The following MIER3 variants were observed in gnomAD, a reference collection of about 807,000 sequenced individuals.
MIER3 encodes the protein MIER family member 3, also known as mesoderm induction early response protein 3.
MIER3 carries 9 observed loss-of-function variants against 63.2 expected under a neutral mutation model. That is an observed-to-expected ratio of 0.14 (90% CI 0.09 to 0.25). The LOEUF is 0.25. Among genes scored for constraint, MIER3 ranks in the 10% least tolerant of loss-of-function variants. The probability of loss-of-function intolerance (pLI) is 1.00; values close to 1 mark genes in which losing one functional copy is unlikely to be tolerated. For missense variants in MIER3, 512 were observed against 666.2 expected, an observed-to-expected ratio of 0.77 and a Z score of 2.55; for synonymous variants, 205 against 224.9, an observed-to-expected ratio of 0.91 and a Z score of 0.79.
rs774889097 is a variant in MIER3 at position 56,923,078 on chromosome 5, C to T, written c.*50G>A. On this transcript the variant is annotated 3_prime_UTR_variant, in exon 13 of 13. Transcript: ENST00000381199. The stretch of plus-strand genomic sequence containing the variant: ...AAAGACTATGCAAACCTGATAGCTC[C>T]CCTCAAGTTTACTGGTGCTGCACAC... The T allele has an allele frequency of 2.6e-6, 4 of 1,519,160 alleles. No homozygotes were observed. The highest frequency in any genetic ancestry group is 1.4e-5 in the African/African-American group (1 of 72,636). The allele number at this position is 1,519,160 out of a possible 1,614,324, so 94.1% of individuals were successfully genotyped here.
chr5:56,951,530 C>T (rs1179250322), intron 1 of MIER3, among the ~76,000 whole-genome samples: 1 of 152,188 alleles, frequency 6.6e-6, no homozygotes, highest in Non-Finnish European at 1.5e-5. Flanking sequence ...GAGTCCCGCT[C>T]TTCTGAGAAG....
At chr5:56,950,723 C>T in intron 1 of MIER3, 71 bp from the exon 2 acceptor site, 2 of 1,569,088 alleles carry the variant, frequency 1.3e-6, no homozygotes, top group Non-Finnish European at 1.7e-6. Flanking sequence ...GGCAACAGGG[C>T]GCAGAGGAGG....
chr5:56,946,553 C>G (rs1454479850), intron 3 of MIER3, among the ~76,000 whole-genome samples: 1 of 152,130 alleles, frequency 6.6e-6, no homozygotes, highest in Non-Finnish European at 1.5e-5. Context: ...AGGCTTCTCT[C>G]TGTATCTACT....
chr5:56,928,969 T>TCA (rs997292990), intron 9 of MIER3, 108 bp from the exon 10 acceptor site: 23 of 554,570 alleles, frequency 4.1e-5, no homozygotes, highest in East Asian at 1.2e-4. Context: ...TCTCTCTCTC[T>TCA]CACACACACA....
At position 56,937,563 on chromosome 5, in the gene MIER3, C is replaced by T; in HGVS notation, c.436+15G>A. ...TCAATGTTACTATTTATCAGTAATC[C>T]ACTGGGTTTCTTACATCGTAAAGGC... On this transcript the variant is annotated intron_variant, in intron 5 of 12. Transcript: ENST00000381199. The T allele has an allele frequency of 6.3e-7, 1 of 1,590,248 alleles. No individual in the cohort carries two copies. The highest frequency in any genetic ancestry group is 8.6e-7 in the Non-Finnish European group (1 of 1,167,232).
chr5:56,935,096 A>G (rs1456936742), intron 7 of MIER3, among the ~76,000 whole-genome samples: 1 of 152,056 alleles, frequency 6.6e-6, no homozygotes, highest in Non-Finnish European at 1.5e-5. Context: ...TCATTATCTC[A>G]GGTGATGAGA....
At chr5:56,945,390 G>A (rs1228838230) in intron 3 of MIER3, among the ~76,000 whole-genome samples, 1 of 152,092 alleles carries the variant, frequency 6.6e-6, no homozygotes, top group African/African-American at 2.4e-5. Flanking sequence ...TTGAACCCAG[G>A]AGGCAGAGGC....
intron 4 of MIER3, 99 bp from the exon 5 acceptor site, chr5:56,937,797 A>C: frequency 1.0e-6 from 1 of 968,202 alleles, no homozygotes; most frequent in Non-Finnish European, 1.4e-6. Flanking sequence ...AGCAGTTGGA[A>C]CCTTATGAGA....
rs529272020 is a variant in MIER3 at position 56,922,037 on chromosome 5, T to C, written c.*1091A>G. ...ATTCTATTTCAGATAGGAACTCACA[T>C]TATTCTTGCCAACTGTTCAAGCTTA... On this transcript the variant is annotated 3_prime_UTR_variant, in exon 13 of 13. Coordinates refer to ENST00000381199, the MANE Select transcript of MIER3 (RefSeq NM_001297599.2). The C allele has an allele frequency of 9.2e-5, 14 of 152,750 alleles. No individual in the cohort carries two copies. In the East Asian group the frequency reaches 2.3e-3, roughly 25 times the overall value. The allele number at this position is 152,750 out of a possible 1,614,324, so 9.5% of individuals were successfully genotyped here. A position where few individuals can be genotyped will look rare whatever the true frequency, so the allele number is the denominator to read the frequency against.
chr5:56,942,821 A>G (rs1750693549), intron 3 of MIER3, among the ~76,000 whole-genome samples: 1 of 152,204 alleles, frequency 6.6e-6, no homozygotes, highest in Admixed American at 6.5e-5. Flanking sequence ...AGAGAAAGAC[A>G]AGAAATCTTA....
rs75998608 is a variant in MIER3, at chr5:56,930,819, T to C, written c.748-74A>G. ...ATTTTAAAAAACAGGTGTAAGAGTT[T>C]TGATAAATATTGGAGTCTTGATAAA... On this transcript the variant is annotated intron_variant, in intron 8 of 12. Transcript: ENST00000381199. 6 of 1,168,262 alleles carry C rather than the reference T, an allele frequency of 5.1e-6. No individual in the cohort carries two copies. In the African/African-American group the frequency reaches 7.6e-5, roughly 15 times the overall value. The allele number at this position is 1,168,262 out of a possible 1,614,324, so 72.4% of individuals were successfully genotyped here. A position where few individuals can be genotyped will look rare whatever the true frequency, so the allele number is the denominator to read the frequency against.
chr5:56,937,826 A>G (rs1375116451), intron 4 of MIER3, 128 bp from the exon 5 acceptor site: 10 of 507,572 alleles, frequency 2.0e-5, no homozygotes, highest in Non-Finnish European at 3.0e-5. Flanking sequence ...AAATTCTCCT[A>G]TGATTTACTT....
intron 10 of MIER3, among the ~76,000 whole-genome samples, chr5:56,927,184 T>C (rs1044795521): frequency 2.0e-5 from 3 of 152,172 alleles, no homozygotes. Flanking sequence ...TATCATTATA[T>C]ATTTGCCAAA....
rs747436331 is a variant in MIER3, at chr5:56,935,544, A to T, written c.523-44T>A. ...GTAAAAATAACTTATTAAAAAAAAA[A>T]TACTGAAAAAAAGCCCCATATCATT... On this transcript the variant is annotated intron_variant, in intron 6 of 12. Coordinates refer to ENST00000381199, the MANE Select transcript of MIER3 (RefSeq NM_001297599.2). The T allele has an allele frequency of 1.1e-5, 16 of 1,518,524 alleles. No homozygotes were observed. The South Asian group carries it at 1.7e-4, about 16-fold the overall frequency. The allele number at this position is 1,518,524 out of a possible 1,614,324, so 94.1% of individuals were successfully genotyped here.
At position 56,919,619 on chromosome 5, in the gene MIER3, T is replaced by G. The variant is rs1217071030; in HGVS notation, c.*3509A>C. 2 of 152,640 alleles carry G rather than the reference T, an allele frequency of 1.3e-5. No individual in the cohort carries two copies. The highest frequency in any genetic ancestry group is 4.8e-5 in the African/African-American group (2 of 41,458). 9.5% of individuals were successfully genotyped at this position (152,640 alleles called of 1,614,324 possible). On this transcript the variant is annotated 3_prime_UTR_variant, in exon 13 of 13. Coordinates refer to ENST00000381199, the MANE Select transcript of MIER3 (RefSeq NM_001297599.2). ...CCAAGAAAAAAAGATTCCCAGATTT[T>G]TATTTCTGGAACTGTACACCAGGTA...
At position 56,921,835 on chromosome 5, in the gene MIER3, TG is replaced by T. The variant is rs1235118629; in HGVS notation, c.*1292del. 1 of 152,670 alleles carries T rather than the reference TG, an allele frequency of 6.6e-6. No homozygotes were observed. Among genetic ancestry groups the T allele is most frequent in the East Asian group, 1.9e-4 (1 of 5,206 alleles). The allele number at this position is 152,670 out of a possible 1,614,324, so 9.5% of individuals were successfully genotyped here. ...AAAAGCAAAGATTACATCCTAATAC[TG>T]TATTACATATTGTTTGATTCACCTT... On this transcript the variant is annotated 3_prime_UTR_variant, in exon 13 of 13. Coordinates refer to ENST00000381199, the MANE Select transcript of MIER3 (RefSeq NM_001297599.2).
In MIER3 at chr5:56,923,284, A is replaced by G. The variant is rs755122690; in HGVS notation, c.1497T>C (p.Asn499=). ...PESFMNEVSV[N]NLGVDFENHT... ...GATTTTCAAAGTCCACACCCAGGTT[A>G]TTTACAGAAACTTCATTCATAAAGG... Residue 499 remains asparagine (N), a synonymous_variant, in exon 13 of 13, where the codon AAT becomes AAC. Coordinates refer to ENST00000381199, the MANE Select transcript of MIER3 (RefSeq NM_001297599.2). The G allele has an allele frequency of 1.2e-6, 2 of 1,614,136 alleles. No homozygotes were observed. Among genetic ancestry groups the G allele is most frequent in the South Asian group, 2.2e-5 (2 of 91,082 alleles).
Position 56,937,675 on chromosome 5 carries a change from C to A in MIER3, c.339G>T (p.Leu113Phe), listed in dbSNP as rs1750497210. Residue 113 changes from leucine (L) to phenylalanine (F), a missense_variant, in exon 5 of 13, where the codon TTG becomes TTT. By Grantham distance (22) the Leu-to-Phe change is conservative. This residue lies in a region of MIER3 where 44 missense variants were observed against 87.6 expected (regional missense o/e 0.50). Coordinates refer to ENST00000381199, the MANE Select transcript of MIER3 (RefSeq NM_001297599.2). ...ACTGAGTTTCCTCGTCATCACCTGA[C>A]AACAGGTCTTTTGCTATTTCCTCCT... ...LDKEEIAKDL[L>F]SGDDEETQSS... The A allele has an allele frequency of 6.2e-7, 1 of 1,609,846 alleles. No individual in the cohort carries two copies. Among genetic ancestry groups the A allele is most frequent in the South Asian group, 1.1e-5 (1 of 90,250 alleles).
chr5:56,950,210 G>A (rs781049488), intron 2 of MIER3, among the ~76,000 whole-genome samples: 2 of 152,150 alleles, frequency 1.3e-5, no homozygotes, highest in African/African-American at 4.8e-5. Flanking sequence ...AAGAAACAAC[G>A]TAAGAGGAGA....
Sources: allele counts gnomAD v4.1 joint callset (sites outside exome capture counted in the v4.1 genomes callset), GRCh38; gene constraint gnomAD v4.1.1; regional missense constraint gnomAD v4.1.1; transcripts MANE v1.5; gene names NCBI Gene and HGNC (gene_info 2026-07-23, HGNC 2026-07-21).